RALGPS1: variants seen among roughly 807,000 people sequenced by gnomAD.
The protein encoded by RALGPS1 is ras-specific guanine nucleotide-releasing factor RalGPS1.
In RALGPS1, 19 loss-of-function variants were observed where a neutral mutation model predicts 78.8. The ratio of observed to expected loss-of-function variants is 0.24; its 90% CI spans 0.17 to 0.35. RALGPS1 has a LOEUF of 0.35. Ranked by LOEUF, RALGPS1 falls within the 10% of genes least tolerant of loss-of-function variation. RALGPS1 has a pLI of 1.00. For missense variants in RALGPS1, 454 were observed against 688.3 expected (o/e 0.66, Z 3.81); for synonymous variants, 228 against 256.3 (o/e 0.89, Z 1.06).
At chr9:127,022,088 T>C (rs1223100116) in intron 4 of RALGPS1, among the ~76,000 whole-genome samples, 1 of 152,168 alleles carries the variant, frequency 6.6e-6, no homozygotes, top group African/African-American at 2.4e-5. Context: ...CTGAGAAAGA[T>C]AAATTGCTTC....
chr9:127,078,253 C>A (rs1013097210), intron 8 of RALGPS1, among the ~76,000 whole-genome samples: 6 of 152,118 alleles, frequency 3.9e-5, no homozygotes, highest in African/African-American at 1.4e-4. Flanking sequence ...CTCTCCCTTC[C>A]AGAAGGGAAG....
At chr9:126,917,029 C>T (rs1477710280) in intron 1 of RALGPS1, among the ~76,000 whole-genome samples, 1 of 152,112 alleles carries the variant, frequency 6.6e-6, no homozygotes, top group Non-Finnish European at 1.5e-5. Context: ...TAGGTGGAGC[C>T]TTCTCTACTA....
intron 11 of RALGPS1, among the ~76,000 whole-genome samples, chr9:127,181,093 A>T (rs2060189566): frequency 6.6e-6 from 1 of 152,242 alleles, no homozygotes; most frequent in Non-Finnish European, 1.5e-5. Context: ...TACTGCTGCC[A>T]CACTCTGCTG....
chr9:127,004,676 A>C (rs1289110606), intron 4 of RALGPS1, among the ~76,000 whole-genome samples: 1 of 152,134 alleles, frequency 6.6e-6, no homozygotes, highest in East Asian at 1.9e-4. Context: ...TGTTTATTTG[A>C]TCTTAGCTTA....
intron 8 of RALGPS1, chr9:127,107,991 G>A (rs1447889625): frequency 1.3e-6 from 2 of 1,589,118 alleles, no homozygotes; most frequent in Non-Finnish European, 1.7e-6. Context: ...GCACCTTCAG[G>A]TTCTGGTCAC....
At chr9:127,150,364 G>A (rs2058348344) in intron 8 of RALGPS1, among the ~76,000 whole-genome samples, 1 of 152,182 alleles carries the variant, frequency 6.6e-6, no homozygotes, top group African/African-American at 2.4e-5. Flanking sequence ...AGAGAAGCAG[G>A]CCTTTTCCCA....
At chr9:127,170,704 G>A (rs572671651) in intron 10 of RALGPS1, among the ~76,000 whole-genome samples, 2 of 152,182 alleles carry the variant, frequency 1.3e-5, no homozygotes, top group African/African-American at 4.8e-5. Context: ...TGGCCTATAA[G>A]TACTTCTGAC....
At chr9:127,050,589 G>A (rs566841379) in intron 6 of RALGPS1, among the ~76,000 whole-genome samples, 2 of 152,194 alleles carry the variant, frequency 1.3e-5, no homozygotes, top group Middle Eastern at 3.4e-3. Flanking sequence ...CTCCCACTGA[G>A]CTTCAGGTCT....
At chr9:127,136,850 C>A (rs574970731) in intron 8 of RALGPS1, among the ~76,000 whole-genome samples, 2 of 152,134 alleles carry the variant, frequency 1.3e-5, no homozygotes, top group African/African-American at 2.4e-5. Flanking sequence ...TGCCTCTGAC[C>A]GCATGGAGTC....
At chr9:127,096,584 C>T (rs958196093) in intron 8 of RALGPS1, among the ~76,000 whole-genome samples, 5 of 152,148 alleles carry the variant, frequency 3.3e-5, no homozygotes, top group African/African-American at 9.7e-5. Flanking sequence ...CCTTTGTGGG[C>T]GCCATGAATG....
intron 1 of RALGPS1, among the ~76,000 whole-genome samples, chr9:126,916,928 A>AC (rs1440296876): frequency 6.6e-6 from 1 of 152,162 alleles, no homozygotes. Flanking sequence ...CATATATGTG[A>AC]CCTTTCAAAG....
chr9:127,187,667 C>T (rs1028469956), intron 11 of RALGPS1, among the ~76,000 whole-genome samples: 7 of 152,174 alleles, frequency 4.6e-5, no homozygotes, highest in East Asian at 1.9e-4. Flanking sequence ...GGGTGGGAGC[C>T]AGAGTGACTC....
chr9:127,112,793 G>C (rs917965614), intron 8 of RALGPS1, among the ~76,000 whole-genome samples: 3 of 152,180 alleles, frequency 2.0e-5, no homozygotes, highest in Non-Finnish European at 4.4e-5. Context: ...GAGGATGCTG[G>C]GTGTGGGCCA....
intron 1 of RALGPS1, among the ~76,000 whole-genome samples, chr9:126,932,369 C>T (rs1462623057): frequency 9.9e-5 from 15 of 152,196 alleles, no homozygotes; most frequent in Non-Finnish European, 1.5e-5. Context: ...TATGACCCAG[C>T]AGTTCCACTC....
intron 4 of RALGPS1, among the ~76,000 whole-genome samples, chr9:126,988,260 G>C (rs1209163969): frequency 6.6e-6 from 1 of 152,198 alleles, no homozygotes; most frequent in Non-Finnish European, 1.5e-5. Context: ...TCTTTGAGGA[G>C]CATGGACACG....
intron 4 of RALGPS1, among the ~76,000 whole-genome samples, chr9:126,995,778 G>T (rs895287971): frequency 1.3e-5 from 2 of 152,162 alleles, no homozygotes; most frequent in African/African-American, 4.8e-5. Flanking sequence ...CACATAGTTG[G>T]AAGTAAAGCA....
intron 11 of RALGPS1, among the ~76,000 whole-genome samples, chr9:127,191,997 T>C (rs2061088748): frequency 6.6e-6 from 1 of 152,218 alleles, no homozygotes; most frequent in South Asian, 2.1e-4. Context: ...GCGCCCGGCC[T>C]CCACTGGGAT....
chr9:127,185,820 C>T (rs562050824), intron 11 of RALGPS1, among the ~76,000 whole-genome samples: 2 of 152,300 alleles, frequency 1.3e-5, no homozygotes, highest in South Asian at 4.1e-4. Flanking sequence ...CTCCTGCCCC[C>T]GAGGTCAGGA....
chr9:127,210,713 C>T (rs1401712928), intron 14 of RALGPS1: 1 of 1,550,676 alleles, frequency 6.4e-7, no homozygotes, highest in East Asian at 2.4e-5. Context: ...GTCTCTATGC[C>T]ACCCTGGGGC....
Sources: allele counts gnomAD v4.1 joint callset (sites outside exome capture counted in the v4.1 genomes callset), GRCh38; gene constraint gnomAD v4.1.1; transcripts MANE v1.5; gene names NCBI Gene and HGNC (gene_info 2026-07-23, HGNC 2026-07-21).